Variants in CACNA1E observed in about 807,000 individuals in gnomAD.
CACNA1E encodes voltage-dependent R-type calcium channel subunit alpha-1E.
A neutral mutation model predicts 259.2 loss-of-function variants in CACNA1E; 40 were observed. The observed-to-expected ratio is 0.15, with a 90% CI of 0.12 to 0.20. CACNA1E has a LOEUF of 0.20. Ranked by LOEUF, CACNA1E falls within the 10% of genes least tolerant of loss-of-function variation. The pLI, the probability that CACNA1E is intolerant of heterozygous loss-of-function variation, is 1.00. For synonymous variants in CACNA1E, 1,104 were observed against 1,138.5 expected, an observed-to-expected ratio of 0.97 and a Z score of 0.61; for missense variants, 1,874 against 3,040.1, an observed-to-expected ratio of 0.62 and a Z score of 9.02.
rs777870704 is a variant in CACNA1E at position 181,798,502 on chromosome 1, A to T, written c.6610A>T (p.Asn2204Tyr). Residue 2204 changes from asparagine (N) to tyrosine (Y), a missense_variant, in exon 48 of 48, where the codon AAT becomes TAT. By Grantham distance (143) the Asn-to-Tyr change is moderately radical. Coordinates refer to ENST00000367573, the MANE Select transcript of CACNA1E (RefSeq NM_001205293.3). The surrounding 1 kb of genome is among the most constrained non-coding windows in gnomAD (Gnocchi z 4.2). ...GACCTCCCAAGCTCTGGAGAGCAAC[A>T]ATGCTTGCCTGACCGAGTCTTCCAA... ...PLTSQALESN[N>Y]ACLTESSNSP... 1.9e-6 allele frequency: 3 copies of T among 1,613,842 alleles called. No individual in the cohort carries two copies. In the East Asian group the frequency reaches 6.7e-5, roughly 36 times the overall value.
intron 3 of CACNA1E, among the ~76,000 whole-genome samples, chr1:181,514,733 G>A (rs1666432971): frequency 6.6e-6 from 1 of 152,126 alleles, no homozygotes; most frequent in Non-Finnish European, 1.5e-5. Flanking sequence ...TGGGTGCTGA[G>A]GTGTCAGTCA....
chr1:181,503,057 G>A (rs2102575789), intron 1 of CACNA1E, among the ~76,000 whole-genome samples: 1 of 152,350 alleles, frequency 6.6e-6, no homozygotes, highest in East Asian at 1.9e-4. Context: ...GACAGGTTAG[G>A]AAGCAGAGAT....
chr1:181,719,396 C>G (rs1411241983), intron 12 of CACNA1E, among the ~76,000 whole-genome samples: 1 of 152,188 alleles, frequency 6.6e-6, no homozygotes, highest in Non-Finnish European at 1.5e-5. Flanking sequence ...TAGACCTTCT[C>G]TGAGATTTCT....
At chr1:181,785,901 T>C in intron 43 of CACNA1E, 82 bp downstream of exon 43, 2 of 827,992 alleles carry the variant, frequency 2.4e-6, no homozygotes, top group Non-Finnish European at 4.0e-6. Context: ...AACTCACTGC[T>C]CAGAAGGGCC....
At chr1:181,470,513 C>A (rs551602775) in intron 2 of CACNA1E, among the ~76,000 whole-genome samples, 3 of 152,278 alleles carry the variant, frequency 2.0e-5, no homozygotes, top group Non-Finnish European at 2.9e-5. Flanking sequence ...TGAACTGCCA[C>A]ATCTGGCCTT....
chr1:181,618,648 T>C (rs1655446507), intron 6 of CACNA1E, among the ~76,000 whole-genome samples: 2 of 152,218 alleles, frequency 1.3e-5, no homozygotes, highest in Admixed American at 1.3e-4. Flanking sequence ...TTATAGACAA[T>C]ACAATTGAAA....
chr1:181,491,017 C>T (rs529135182), intron 1 of CACNA1E, among the ~76,000 whole-genome samples: 1 of 152,344 alleles, frequency 6.6e-6, no homozygotes, highest in East Asian at 1.9e-4. Context: ...TTCAGCTTTG[C>T]TGTAGGTTGG....
chr1:181,608,012 A>G (rs895602789), intron 6 of CACNA1E, among the ~76,000 whole-genome samples: 1 of 152,182 alleles, frequency 6.6e-6, no homozygotes, highest in Non-Finnish European at 1.5e-5. Flanking sequence ...GAGCAAGGTG[A>G]GGAAATGAGG....
At chr1:181,660,759 C>T (rs1158611382) in intron 7 of CACNA1E, among the ~76,000 whole-genome samples, 2 of 152,148 alleles carry the variant, frequency 1.3e-5, no homozygotes, top group African/African-American at 2.4e-5. Flanking sequence ...ATTAGTTTGA[C>T]GTATATCTGC....
At chr1:181,415,547 G>C (rs909713454) in intron 2 of CACNA1E, among the ~76,000 whole-genome samples, 10 of 152,270 alleles carry the variant, frequency 6.6e-5, no homozygotes, top group African/African-American at 2.4e-4. Context: ...AAGAAGTAAG[G>C]AAAATGGTGT....
intron 23 of CACNA1E, 21 bp from the exon 24 acceptor site, chr1:181,738,346 T>C: frequency 6.2e-7 from 1 of 1,607,804 alleles, no homozygotes; most frequent in South Asian, 1.1e-5. Context: ...GTCATTTCCT[T>C]CCACCATATG....
intron 1 of CACNA1E, among the ~76,000 whole-genome samples, chr1:181,410,712 A>G (rs1657785305): frequency 6.6e-6 from 1 of 152,292 alleles, no homozygotes. Flanking sequence ...ATAAGCTAGG[A>G]CTTGAAATCT....
chr1:181,778,193 A>C (rs894851824), intron 38 of CACNA1E, among the ~76,000 whole-genome samples: 28 of 152,194 alleles, frequency 1.8e-4, no homozygotes, highest in African/African-American at 6.5e-4. Context: ...GAGGAAGACT[A>C]ACAAAAGTAA....
At chr1:181,593,969 T>C (rs543773476) in intron 6 of CACNA1E, among the ~76,000 whole-genome samples, 33 of 152,338 alleles carry the variant, frequency 2.2e-4, no homozygotes, top group South Asian at 6.2e-4. Flanking sequence ...AATGGCAATG[T>C]AGTTTTTCAT....
At chr1:181,749,134 A>G (rs142574711) in intron 25 of CACNA1E, among the ~76,000 whole-genome samples, 1 of 152,258 alleles carries the variant, frequency 6.6e-6, no homozygotes, top group Non-Finnish European at 1.5e-5. Flanking sequence ...AATAACCATT[A>G]GAAGTCTTTG....
chr1:181,792,957 AAACT>A (rs915531858), intron 44 of CACNA1E, among the ~76,000 whole-genome samples: 2 of 152,240 alleles, frequency 1.3e-5, no homozygotes, highest in African/African-American at 4.8e-5. Flanking sequence ...AATAAAATAT[AAACT>A]ATCTAATTTT....
At chr1:181,491,977 G>A (rs1558050275) in intron 1 of CACNA1E, among the ~76,000 whole-genome samples, 2 of 152,166 alleles carry the variant, frequency 1.3e-5, no homozygotes, top group African/African-American at 2.4e-5. Flanking sequence ...GCCAGGAGGT[G>A]GTGTGAGGGC....
At chr1:181,773,157 T>C (rs533781237) in intron 37 of CACNA1E, among the ~76,000 whole-genome samples, 23 of 152,314 alleles carry the variant, frequency 1.5e-4, no homozygotes, top group African/African-American at 5.1e-4. Context: ...TGTCCAGGCA[T>C]TGCTACCTTG....
At chr1:181,482,721 T>C (rs1212545383), upstream of CACNA1E, among the ~76,000 whole-genome samples, 3 of 152,258 alleles carry the variant, frequency 2.0e-5, no homozygotes, top group East Asian at 5.8e-4. Flanking sequence ...AGAGGGAGAC[T>C]GAGCCGTTAG....
Sources: gnomAD v4.1 joint callset for allele counts (sites outside exome capture counted in the v4.1 genomes callset) on GRCh38, gnomAD v4.1.1 for gene constraint, Gnocchi (gnomAD v3.1) non-coding constraint, MANE v1.5 for transcripts, NCBI Gene and HGNC (gene_info 2026-07-23, HGNC 2026-07-21) for gene names.